The following ZCCHC9 variants were observed in gnomAD, a reference collection of about 807,000 sequenced individuals.
The protein encoded by ZCCHC9 is zinc finger CCHC-type containing 9.
In ZCCHC9, 18 loss-of-function variants were observed where a neutral mutation model predicts 30.8. The ratio of observed to expected loss-of-function variants is 0.58; its 90% CI spans 0.40 to 0.87. The LOEUF is 0.87. Ranked by LOEUF, ZCCHC9 falls within the 40% of genes least tolerant of loss-of-function variation. The probability of loss-of-function intolerance (pLI) is 0.00; values close to 1 mark genes in which losing one functional copy is unlikely to be tolerated. For missense variants in ZCCHC9, 279 were observed against 331.2 expected (o/e 0.84, Z 1.22); for synonymous variants, 94 against 106.7 (o/e 0.88, Z 0.73).
chr5:81,308,903 C>A, intron 3 of ZCCHC9, 43 bp from the exon 4 acceptor site: 1 of 1,523,254 alleles, frequency 6.6e-7, no homozygotes. Context: ...TTATGACTTG[C>A]CATATGTATT....
At position 81,312,620 on chromosome 5, in the gene ZCCHC9, G is replaced by A. The variant is rs768212184; in HGVS notation, c.774G>A (p.Pro258=). ...DYEEILDVPK[P]QKPKTKIPKV... is the part of the protein sequence containing the mutation. Reference sequence around the variant, plus strand: ...AAGAAATTTTGGATGTACCTAAACCGCAAAAACCCAAAACAAAAATACCTA... The same window carrying A: ...AAGAAATTTTGGATGTACCTAAACCACAAAAACCCAAAACAAAAATACCTA... Residue 258 remains proline (P), a synonymous_variant, in exon 6 of 6, where the codon CCG becomes CCA. Transcript: ENST00000407610. 23 of 1,613,534 alleles carry A rather than the reference G, an allele frequency of 1.4e-5. No homozygotes were observed. Among genetic ancestry groups the A allele is most frequent in the South Asian group, 4.4e-5 (4 of 91,066 alleles).
rs1398757181 is a variant in ZCCHC9 at position 81,308,718 on chromosome 5, G to A, written c.535+7G>A. 3 of 1,596,438 alleles carry A rather than the reference G, an allele frequency of 1.9e-6. No homozygotes were observed. The highest frequency in any genetic ancestry group is 2.6e-6 in the Non-Finnish European group (3 of 1,174,656). ...AAAGTAGACCCGGCTCTTGGTATGTGTTTCTTTCAGTTTTTTGTTTTGTTC... is the reference window on the plus strand; with the variant it reads ...AAAGTAGACCCGGCTCTTGGTATGTATTTCTTTCAGTTTTTTGTTTTGTTC... On this transcript the variant is annotated splice_region_variant and intron_variant, in intron 3 of 5. Coordinates refer to ENST00000407610, the MANE Select transcript of ZCCHC9 (RefSeq NM_001131035.2).
intron 1 of ZCCHC9, chr5:81,302,225 A>C (rs1165965463): frequency 6.6e-6 from 1 of 152,422 alleles, no homozygotes; most frequent in African/African-American, 2.4e-5. Context: ...TAATCCCAGC[A>C]CTTTGGGAGG....
intron 2 of ZCCHC9, among the ~76,000 whole-genome samples, chr5:81,306,490 G>C (rs1418128574): frequency 6.6e-6 from 1 of 152,110 alleles, no homozygotes; most frequent in Non-Finnish European, 1.5e-5. Flanking sequence ...TAGGCGGTAT[G>C]GTGAATCACA....
In ZCCHC9 at chr5:81,308,600, G is replaced by T. The variant is rs762657465; in HGVS notation, c.424G>T (p.Asp142Tyr). The change falls in exon 3 of 6, where the codon GAT (aspartate) becomes TAT (tyrosine). Residue 142 changes from aspartate to tyrosine, a missense_variant. Transcript: ENST00000407610. ...HCRKPGHGIA[D>Y]CPAALENQDM... ...TAGAAAACCTGGTCATGGAATTGCA[G>T]ATTGCCCCGCCGCCCTTGAAAATCA... 1 of 1,613,578 alleles carries T rather than the reference G, an allele frequency of 6.2e-7. No homozygotes were observed. Among genetic ancestry groups the T allele is most frequent in the South Asian group, 1.1e-5 (1 of 91,024 alleles).
In ZCCHC9 at chr5:81,312,818, A is replaced by G. The variant is rs574231814; in HGVS notation, c.*156A>G. ...AAAAACAATTTTCTTTATTCTGTCT[A>G]TCAAATAGTACTTCTACCACTGTTT... On this transcript the variant is annotated 3_prime_UTR_variant, in exon 6 of 6. Coordinates refer to ENST00000407610, the MANE Select transcript of ZCCHC9 (RefSeq NM_001131035.2). 21 of 540,016 alleles carry G rather than the reference A, an allele frequency of 3.9e-5. No homozygotes were observed. Among genetic ancestry groups the G allele is most frequent in the African/African-American group, 1.9e-5 (1 of 52,670 alleles). 33.5% of individuals were successfully genotyped at this position (540,016 alleles called of 1,614,324 possible). A position where few individuals can be genotyped will look rare whatever the true frequency, so the allele number is the denominator to read the frequency against.
At chr5:81,308,911 A>T in intron 3 of ZCCHC9, 35 bp from the exon 4 acceptor site, 1 of 1,566,806 alleles carries the variant, frequency 6.4e-7, no homozygotes, top group Non-Finnish European at 8.7e-7. Flanking sequence ...TGCCATATGT[A>T]TTGTCAACTG....
chr5:81,307,681 A>T (rs1416511054), intron 2 of ZCCHC9, among the ~76,000 whole-genome samples: 1 of 149,834 alleles, frequency 6.7e-6, no homozygotes, highest in Non-Finnish European at 1.5e-5. Context: ...GGTAAAAAAC[A>T]AGGATATACT....
At position 81,304,958 on chromosome 5, in the gene ZCCHC9, C is replaced by G; in HGVS notation, c.201C>G (p.Tyr67Ter). Residue 67 changes from tyrosine (Y) to a stop codon, truncating the protein, a stop_gained, in exon 2 of 6, where the codon TAC becomes TAG. Transcript: ENST00000407610. LOFTEE classifies it high-confidence loss of function. ...KHKKNKKKKE[Y>*]LNEDVNGFME... ...AAAAGAACAAAAAGAAAAAAGAGTA[C>G]TTAAATGAAGATGTGAATGGATTCA... is the stretch of plus-strand genomic sequence containing the variant. 1.2e-6 allele frequency: 2 copies of G among 1,613,834 alleles called. No homozygotes were observed. The highest frequency in any genetic ancestry group is 8.5e-7 in the Non-Finnish European group (1 of 1,179,982).
At chr5:81,310,592 C>G (rs1474432476) in intron 4 of ZCCHC9, among the ~76,000 whole-genome samples, 2 of 152,096 alleles carry the variant, frequency 1.3e-5, no homozygotes, top group African/African-American at 2.4e-5. Context: ...AGTGTTTGAT[C>G]ATTAAGTGAA....
At chr5:81,311,164 C>A in intron 4 of ZCCHC9, 47 bp from the exon 5 acceptor site, 1 of 1,603,316 alleles carries the variant, frequency 6.2e-7, no homozygotes, top group African/African-American at 1.3e-5. Flanking sequence ...TGTTAAAAAC[C>A]CCTTGCAAGT....
chr5:81,309,077 C>A, intron 4 of ZCCHC9, 39 bp downstream of exon 4: 1 of 1,455,174 alleles, frequency 6.9e-7, no homozygotes, highest in Non-Finnish European at 9.4e-7. Context: ...AATGGTGAGT[C>A]ATCGTGCAGT....
At position 81,312,569 on chromosome 5, in the gene ZCCHC9, G is replaced by A. The variant is rs781085555; in HGVS notation, c.723G>A (p.Trp241Ter). ...AGCGAATGGTCACAGTTGGTCGCTG[G>A]GCAAAGGGAATGAGTGCAGACTATG... ...NSERMVTVGR[W>*]AKGMSADYEE... The change falls in exon 6 of 6, where the codon TGG (tryptophan) becomes TGA (stop). Residue 241 changes from tryptophan (W) to a stop codon, truncating the protein, a stop_gained. Coordinates refer to ENST00000407610, the MANE Select transcript of ZCCHC9 (RefSeq NM_001131035.2). LOFTEE classifies it high-confidence loss of function. 30 of 1,613,576 alleles carry A rather than the reference G, an allele frequency of 1.9e-5. No homozygotes were observed. The highest frequency in any genetic ancestry group is 2.5e-5 in the Non-Finnish European group (29 of 1,179,716).
rs1758275682 is a variant in ZCCHC9, at chr5:81,311,259, G to T, written c.677G>T (p.Cys226Phe). 1.2e-6 allele frequency: 2 copies of T among 1,613,928 alleles called. No homozygotes were observed. Among genetic ancestry groups the T allele is most frequent in the South Asian group, 2.2e-5 (2 of 91,086 alleles). The change falls in exon 5 of 6, where the codon TGC (cysteine) becomes TTC (phenylalanine). Residue 226 changes from cysteine (C) to phenylalanine (F), a missense_variant. Coordinates refer to ENST00000407610, the MANE Select transcript of ZCCHC9 (RefSeq NM_001131035.2). ...TCTGTGGAACATTTAAAGAAAGATT[G>T]CCCTGAAAGTCAGAATTCAGGTGAG... Reference protein sequence around the residue: ...CGSVEHLKKDCPESQNSERMV... With the variant: ...CGSVEHLKKDFPESQNSERMV...
At chr5:81,301,824 G>C (rs1262082352) in intron 1 of ZCCHC9, 126 bp downstream of exon 1, 2 of 152,556 alleles carry the variant, frequency 1.3e-5, no homozygotes, top group Non-Finnish European at 2.9e-5. Flanking sequence ...GCTGGAGCGC[G>C]GGCTGTCTAG....
intron 1 of ZCCHC9, chr5:81,304,080 G>A (rs1758028519): frequency 6.6e-6 from 1 of 152,194 alleles, no homozygotes; most frequent in Admixed American, 6.5e-5. Context: ...ACAGATTTTG[G>A]TGTGAAATAT....
intron 4 of ZCCHC9, among the ~76,000 whole-genome samples, chr5:81,310,401 G>A (rs1580498405): frequency 6.6e-6 from 1 of 151,952 alleles, no homozygotes; most frequent in African/African-American, 2.4e-5. Context: ...AAGAGGTAAA[G>A]CATTATGTTG....
chr5:81,307,520 G>A (rs1758113092), intron 2 of ZCCHC9, among the ~76,000 whole-genome samples: 1 of 152,002 alleles, frequency 6.6e-6, no homozygotes, highest in Non-Finnish European at 1.5e-5. Flanking sequence ...GGGCGTGGTG[G>A]TGCGTGCTTG....
intron 2 of ZCCHC9, among the ~76,000 whole-genome samples, chr5:81,307,473 G>A (rs1452291293): frequency 6.6e-6 from 1 of 151,562 alleles, no homozygotes; most frequent in Non-Finnish European, 1.5e-5. Flanking sequence ...CCAACATGAT[G>A]AAATCCCATC....
Sources: gnomAD v4.1 joint callset for allele counts (sites outside exome capture counted in the v4.1 genomes callset) on GRCh38, gnomAD v4.1.1 for gene constraint, MANE v1.5 for transcripts, NCBI Gene and HGNC (gene_info 2026-07-23, HGNC 2026-07-21) for gene names.